Variants in HDGFL3 observed in about 807,000 individuals in gnomAD.
The protein encoded by HDGFL3 is hepatoma-derived growth factor-related protein 3.
A neutral mutation model predicts 27.6 loss-of-function variants in HDGFL3; 6 were observed. That is an observed-to-expected ratio of 0.22 (90% CI 0.12 to 0.43). The LOEUF (loss-of-function observed/expected upper bound fraction) is 0.43. HDGFL3 is among the 20% of genes least tolerant of loss of function. The pLI is 1.00. For missense variants in HDGFL3, 207 were observed against 250.1 expected (o/e 0.83, Z 1.16); for synonymous variants, 88 against 88.9 (o/e 0.99, Z 0.05).
intron 1 of HDGFL3, among the ~76,000 whole-genome samples, chr15:83,188,608 T>C (rs919511590): frequency 1.3e-5 from 2 of 152,252 alleles, no homozygotes; most frequent in African/African-American, 2.4e-5. Flanking sequence ...CATTATGTAA[T>C]GTATCCATTG....
intron 1 of HDGFL3, among the ~76,000 whole-genome samples, chr15:83,169,961 C>A (rs756120717): frequency 6.6e-6 from 1 of 152,082 alleles, no homozygotes; most frequent in Non-Finnish European, 1.5e-5. Context: ...AGAATGCAAT[C>A]CAGTTTACAA....
intron 5 of HDGFL3, among the ~76,000 whole-genome samples, chr15:83,147,656 C>T (rs569475678): frequency 4.6e-5 from 7 of 152,198 alleles, no homozygotes; most frequent in African/African-American, 9.6e-5. Flanking sequence ...TATGAATATA[C>T]GACAGATGCA....
Position 83,132,937 on chromosome 15 carries a change from C to T in HDGFL3, c.*6333G>A, listed in dbSNP as rs2036354354. The T allele has an allele frequency of 1.3e-5, 2 of 152,190 alleles. No individual in the cohort carries two copies. The highest frequency in any genetic ancestry group is 4.1e-4 in the South Asian group (2 of 4,824). The allele number at this position is 152,190 out of a possible 1,614,324, so 9.4% of individuals were successfully genotyped here. A position where few individuals can be genotyped will look rare whatever the true frequency, so the allele number is the denominator to read the frequency against. On this transcript the variant is annotated 3_prime_UTR_variant, in exon 6 of 6. Coordinates refer to ENST00000299633, the MANE Select transcript of HDGFL3 (RefSeq NM_016073.4). ...AAAAAGGTCAAAAGGTCAAGAGAATCTAAAAACAAAGGGCCCAGATTTTCT... is the reference window on the plus strand; with the variant it reads ...AAAAAGGTCAAAAGGTCAAGAGAATTTAAAAACAAAGGGCCCAGATTTTCT...
At chr15:83,196,346 C>A (rs1247007798) in intron 1 of HDGFL3, among the ~76,000 whole-genome samples, 1 of 151,772 alleles carries the variant, frequency 6.6e-6, no homozygotes, top group African/African-American at 2.4e-5. Flanking sequence ...ATGAAAAGAA[C>A]ACTAAATGAA....
intron 1 of HDGFL3, chr15:83,180,792 C>T (rs2037371261): frequency 6.6e-6 from 1 of 151,994 alleles, no homozygotes; most frequent in Non-Finnish European, 1.5e-5. Flanking sequence ...CCTACAAGCA[C>T]ACACCACCAT....
chr15:83,116,078 G>C, intron 3 of HDGFL3: 1 of 676,084 alleles, frequency 1.5e-6, no homozygotes, highest in South Asian at 1.9e-5. Context: ...AATAGCCTTA[G>C]GTCGCTTAGT....
intron 1 of HDGFL3, among the ~76,000 whole-genome samples, chr15:83,203,810 A>G (rs2151424054): frequency 6.6e-6 from 1 of 151,600 alleles, no homozygotes; most frequent in South Asian, 2.1e-4. Context: ...TGTTTATTTT[A>G]TGCTGTATAT....
chr15:83,165,657 T>C (rs1404646395), intron 1 of HDGFL3, among the ~76,000 whole-genome samples: 1 of 151,906 alleles, frequency 6.6e-6, no homozygotes, highest in Non-Finnish European at 1.5e-5. Context: ...TAGCCAGACA[T>C]GGTGATGGGC....
At chr15:83,162,929 T>C (rs983216946) in intron 2 of HDGFL3, among the ~76,000 whole-genome samples, 5 of 152,250 alleles carry the variant, frequency 3.3e-5, no homozygotes, top group African/African-American at 4.8e-5. Context: ...GTGTCAAAGA[T>C]TGCCAACTAT....
Position 83,136,534 on chromosome 15 carries a change from C to G in HDGFL3, c.*2736G>C. The G allele has an allele frequency of 6.2e-7, 1 of 1,613,342 alleles. No homozygotes were observed. Among genetic ancestry groups the G allele is most frequent in the Non-Finnish European group, 8.5e-7 (1 of 1,179,774 alleles). ...TTCATGCTAGAACTGCTTATGTCTA[C>G]AGAGTCCCTGAAGAAGCAAAAATCC... On this transcript the variant is annotated 3_prime_UTR_variant, in exon 6 of 6. Transcript: ENST00000299633.
At position 83,128,504 on chromosome 15, in the gene HDGFL3, C is replaced by T. The variant is rs1373856193; in HGVS notation, c.*10766G>A. Reference sequence around the variant, plus strand: ...GCAGACCTCTAAATACCTGATTCCTCAGTCCTTGGGGTTTATTTCTGTATT... The same window carrying T: ...GCAGACCTCTAAATACCTGATTCCTTAGTCCTTGGGGTTTATTTCTGTATT... On this transcript the variant is annotated 3_prime_UTR_variant, in exon 6 of 6. Transcript: ENST00000299633. 6.6e-6 allele frequency: 1 copy of T among 152,202 alleles called. No individual in the cohort carries two copies. The highest frequency in any genetic ancestry group is 1.9e-4 in the East Asian group (1 of 5,192). The allele number at this position is 152,202 out of a possible 1,614,324, so 9.4% of individuals were successfully genotyped here.
chr15:83,126,814 T>C (rs1261341907), downstream of HDGFL3: 3 of 1,613,906 alleles, frequency 1.9e-6, no homozygotes, highest in South Asian at 2.2e-5. Context: ...AAGAGCCCTA[T>C]CTAAAGGATC....
chr15:83,191,546 T>A (rs2037510720), intron 1 of HDGFL3, among the ~76,000 whole-genome samples: 1 of 152,200 alleles, frequency 6.6e-6, no homozygotes, highest in Non-Finnish European at 1.5e-5. Flanking sequence ...ATTCTGTTTG[T>A]CCCAATTTTT....
chr15:83,193,573 C>T (rs1286897648), intron 1 of HDGFL3, among the ~76,000 whole-genome samples: 3 of 152,146 alleles, frequency 2.0e-5, no homozygotes, highest in Admixed American at 6.5e-5. Flanking sequence ...GAAGGCAGGG[C>T]TTAGACCCTG....
At chr15:83,143,282 G>C (rs140817791) in intron 5 of HDGFL3, among the ~76,000 whole-genome samples, 2 of 152,268 alleles carry the variant, frequency 1.3e-5, no homozygotes, top group African/African-American at 4.8e-5. Context: ...AAAGTGTTGA[G>C]ATTACAGGCC....
At chr15:83,140,703 A>G (rs1476803410) in intron 5 of HDGFL3, among the ~76,000 whole-genome samples, 1 of 152,112 alleles carries the variant, frequency 6.6e-6, no homozygotes. Flanking sequence ...GCTGGTCTCA[A>G]ACTCCTGACC....
intron 1 of HDGFL3, among the ~76,000 whole-genome samples, chr15:83,186,365 C>A (rs2037442453): frequency 6.6e-6 from 1 of 152,208 alleles, no homozygotes; most frequent in Non-Finnish European, 1.5e-5. Flanking sequence ...TATCGCTCAA[C>A]TGAACACTAC....
At chr15:83,170,770 G>A (rs1434938553) in intron 1 of HDGFL3, among the ~76,000 whole-genome samples, 3 of 150,872 alleles carry the variant, frequency 2.0e-5, no homozygotes, top group African/African-American at 7.3e-5. Context: ...ACTATCAACA[G>A]AGCAAACTGA....
chr15:83,170,276 A>G (rs895977259), intron 1 of HDGFL3, among the ~76,000 whole-genome samples: 10 of 152,208 alleles, frequency 6.6e-5, no homozygotes, highest in Admixed American at 3.3e-4. Context: ...TCCTAAGCAA[A>G]AAGAACAAAG....
Sources: gnomAD v4.1 joint callset for allele counts (sites outside exome capture counted in the v4.1 genomes callset) on GRCh38, gnomAD v4.1.1 for gene constraint, MANE v1.5 for transcripts, NCBI Gene and HGNC (gene_info 2026-07-23, HGNC 2026-07-21) for gene names.